The following TMEM150C variants were observed in gnomAD, a reference collection of about 807,000 sequenced individuals.
The protein encoded by TMEM150C is transmembrane protein 150C.
A neutral mutation model predicts 29.9 loss-of-function variants in TMEM150C; 10 were observed. That is an observed-to-expected ratio of 0.33 (90% CI 0.21 to 0.57). The LOEUF is 0.57. TMEM150C is among the 20% of genes least tolerant of loss of function. The pLI is 0.88. For synonymous variants in TMEM150C, 101 were observed against 112.5 expected, an observed-to-expected ratio of 0.90 and a Z score of 0.64; for missense variants, 251 against 303.6, an observed-to-expected ratio of 0.83 and a Z score of 1.29.
At chr4:82,526,153 C>G (rs1330412071) in intron 1 of TMEM150C, among the ~76,000 whole-genome samples, 1 of 152,220 alleles carries the variant, frequency 6.6e-6, no homozygotes, top group East Asian at 1.9e-4. Flanking sequence ...AATCCTCCCA[C>G]CTTGGCCTCC....
intron 1 of TMEM150C, among the ~76,000 whole-genome samples, chr4:82,544,419 C>T (rs1308040800): frequency 1.3e-5 from 2 of 152,144 alleles, no homozygotes; most frequent in Non-Finnish European, 2.9e-5. Context: ...CTGATGGGCC[C>T]AACACAACAG....
At chr4:82,516,638 C>T (rs993555847) in intron 1 of TMEM150C, among the ~76,000 whole-genome samples, 8 of 152,120 alleles carry the variant, frequency 5.3e-5, no homozygotes, top group African/African-American at 1.4e-4. Context: ...TGTCTCAGTA[C>T]CACTGATGCC....
rs1026635896 is a variant in TMEM150C at position 82,484,127 on chromosome 4, C to T, written c.*1384G>A. On this transcript the variant is annotated 3_prime_UTR_variant, in exon 8 of 8. Coordinates refer to ENST00000449862, the MANE Select transcript of TMEM150C (RefSeq NM_001080506.3). Reference sequence around the variant, plus strand: ...TTTCATATTATATTCCAGGTAATCCCAGACCTCTATGGGGTAAATCTGGGG... The same window carrying T: ...TTTCATATTATATTCCAGGTAATCCTAGACCTCTATGGGGTAAATCTGGGG... The T allele has an allele frequency of 2.6e-5, 4 of 152,100 alleles. No individual in the cohort carries two copies. The highest frequency in any genetic ancestry group is 9.7e-5 in the African/African-American group (4 of 41,416). The allele number at this position is 152,100 out of a possible 1,614,324, so 9.4% of individuals were successfully genotyped here. A position where few individuals can be genotyped will look rare whatever the true frequency, so the allele number is the denominator to read the frequency against.
rs116452104 is a variant in TMEM150C at position 82,506,163 on chromosome 4, C to G, written c.-10-1496G>C. Among the ~76,000 whole-genome samples, 647 of 152,224 alleles carry G rather than the reference C, an allele frequency of 4.3e-3. 6 individuals carry two copies. Among genetic ancestry groups the G allele is most frequent in the African/African-American group, 0.015 (637 of 41,528 alleles). On this transcript the variant is annotated intron_variant, in intron 1 of 7. Coordinates refer to ENST00000449862, the MANE Select transcript of TMEM150C (RefSeq NM_001080506.3). Reference sequence around the variant, plus strand: ...AGCACTGCCCCATTTGTGAATACCTCCAAGACATCTGCTTTCATATGCTGG... The same window carrying G: ...AGCACTGCCCCATTTGTGAATACCTGCAAGACATCTGCTTTCATATGCTGG...
intron 5 of TMEM150C, among the ~76,000 whole-genome samples, chr4:82,498,713 C>T (rs1293052925): frequency 6.6e-6 from 1 of 152,284 alleles, no homozygotes; most frequent in South Asian, 2.1e-4. Flanking sequence ...AATGGCTCTT[C>T]ATGTTGACCC....
rs1723054077 is a variant in TMEM150C, at chr4:82,483,329, G to T, written c.*2182C>A. ...TTAATTTGGATTGTGTAGAATAAAAGAAAACTACATAAGTCTTTGTTCTTT... is the reference window on the plus strand; with the variant it reads ...TTAATTTGGATTGTGTAGAATAAAATAAAACTACATAAGTCTTTGTTCTTT... On this transcript the variant is annotated 3_prime_UTR_variant, in exon 8 of 8. Coordinates refer to ENST00000449862, the MANE Select transcript of TMEM150C (RefSeq NM_001080506.3). 6.6e-6 allele frequency: 1 copy of T among 152,000 alleles called. No individual in the cohort carries two copies. Among genetic ancestry groups the T allele is most frequent in the Admixed American group, 6.6e-5 (1 of 15,260 alleles). The allele number at this position is 152,000 out of a possible 1,614,324, so 9.4% of individuals were successfully genotyped here. A position where few individuals can be genotyped will look rare whatever the true frequency, so the allele number is the denominator to read the frequency against.
intron 1 of TMEM150C, among the ~76,000 whole-genome samples, chr4:82,523,027 G>A (rs886538393): frequency 6.6e-6 from 1 of 152,170 alleles, no homozygotes; most frequent in Admixed American, 6.5e-5. Context: ...CCAAAGTTTA[G>A]TCACATGAAG....
rs527917532 is a variant in TMEM150C at position 82,557,072 on chromosome 4, A to G, written c.-11+4834T>C. ...CGGGAGCATCACTCACCCAAGAAAC[A>G]TGAGAGGCAGTGTCTTGTAAAACAG... On this transcript the variant is annotated intron_variant, in intron 1 of 7. Transcript: ENST00000449862. Among the ~76,000 whole-genome samples, 5 of 152,356 alleles carry G rather than the reference A, an allele frequency of 3.3e-5. No homozygotes were observed. In the East Asian group the frequency reaches 5.8e-4, roughly 18 times the overall value.
At chr4:82,537,837 G>C (rs897986678) in intron 1 of TMEM150C, among the ~76,000 whole-genome samples, 4 of 152,176 alleles carry the variant, frequency 2.6e-5, no homozygotes, top group Non-Finnish European at 5.9e-5. Context: ...GAAGAGGTGA[G>C]GAAGGATTCT....
chr4:82,487,407 C>T (rs763513467), intron 7 of TMEM150C, among the ~76,000 whole-genome samples: 1 of 152,146 alleles, frequency 6.6e-6, no homozygotes, highest in Non-Finnish European at 1.5e-5. Context: ...CAATATCATG[C>T]CCCTGCACTC....
intron 5 of TMEM150C, among the ~76,000 whole-genome samples, chr4:82,501,811 G>A (rs1480796163): frequency 4.6e-5 from 7 of 152,160 alleles, no homozygotes; most frequent in Non-Finnish European, 1.5e-5. Flanking sequence ...TTGAGGGGTG[G>A]AGGTGAAATA....
At chr4:82,520,257 C>A (rs563552535) in intron 1 of TMEM150C, among the ~76,000 whole-genome samples, 16 of 152,324 alleles carry the variant, frequency 1.1e-4, no homozygotes, top group African/African-American at 3.6e-4. Flanking sequence ...GGTTCTCCCC[C>A]ACATATGTGA....
At position 82,561,890 on chromosome 4, in the gene TMEM150C, G is replaced by A. The variant is rs1725949671; in HGVS notation, c.-11+16C>T. On this transcript the variant is annotated intron_variant, in intron 1 of 7. Transcript: ENST00000449862. Reference sequence around the variant, plus strand: ...TGCGCGACGGGCCCAGGCAGGGGAGGGGGCGCCGCGCCTACCTGCTCTGGT... The same window carrying A: ...TGCGCGACGGGCCCAGGCAGGGGAGAGGGCGCCGCGCCTACCTGCTCTGGT... 2 of 992,188 alleles carry A rather than the reference G, an allele frequency of 2.0e-6. No individual in the cohort carries two copies. The highest frequency in any genetic ancestry group is 1.1e-4 in the East Asian group (1 of 8,784). 61.5% of individuals were successfully genotyped at this position (992,188 alleles called of 1,614,324 possible).
intron 2 of TMEM150C, among the ~76,000 whole-genome samples, chr4:82,504,116 G>C (rs968130944): frequency 1.3e-5 from 2 of 151,972 alleles, no homozygotes; most frequent in African/African-American, 4.8e-5. Context: ...TAGAAAATGG[G>C]AAAAGAAATG....
chr4:82,504,306 C>T lies in TMEM150C; in HGVS notation c.80+272G>A, dbSNP rs539454553. On this transcript the variant is annotated intron_variant, in intron 2 of 7. Transcript: ENST00000449862. ...GCAACCTCTGCCTCCAGGGTTCAAG[C>T]GATTCTTGTGCCTCAGCCCCCCGAG... 4.6e-5 allele frequency among the ~76,000 whole-genome samples: 7 copies of T among 152,250 alleles called. No individual in the cohort carries two copies. The East Asian group carries it at 5.8e-4, about 13-fold the overall frequency.
At chr4:82,509,560 C>T (rs1216318151) in intron 1 of TMEM150C, 1 of 152,166 alleles carries the variant, frequency 6.6e-6, no homozygotes, top group African/African-American at 2.4e-5. Context: ...CTTTGGGAGG[C>T]TGAGGTGGGC....
chr4:82,501,440 T>C lies in TMEM150C; in HGVS notation c.235+1287A>G, dbSNP rs566709074. On this transcript the variant is annotated intron_variant, in intron 5 of 7. Transcript: ENST00000449862. ...AGGGTATATTTAACTTTCTCCTTAG[T>C]GGTAGTGTAGCAGCCCAGGCTTTCC... Among the ~76,000 whole-genome samples, 5 of 152,236 alleles carry C rather than the reference T, an allele frequency of 3.3e-5. No individual in the cohort carries two copies. The South Asian group carries it at 1.0e-3, about 32-fold the overall frequency.
chr4:82,549,241 T>C (rs565208404), intron 1 of TMEM150C, among the ~76,000 whole-genome samples: 9 of 152,196 alleles, frequency 5.9e-5, no homozygotes, highest in Non-Finnish European at 1.0e-4. Flanking sequence ...ATAAAATGAT[T>C]TGAAATGTGG....
intron 1 of TMEM150C, among the ~76,000 whole-genome samples, chr4:82,528,570 T>C (rs77772812): frequency 0.044 from 6,713 of 151,318 alleles, 169 homozygotes; most frequent in South Asian, 0.077. Flanking sequence ...CATTCTCCTC[T>C]CTCTCTTACT....
Sources: allele counts gnomAD v4.1 joint callset (sites outside exome capture counted in the v4.1 genomes callset), GRCh38; gene constraint gnomAD v4.1.1; transcripts MANE v1.5; gene names NCBI Gene and HGNC (gene_info 2026-07-23, HGNC 2026-07-21).